The following EIF2S2 variants were observed in gnomAD, a reference collection of about 807,000 sequenced individuals.
EIF2S2 encodes eukaryotic translation initiation factor 2 subunit 2.
In EIF2S2, 4 loss-of-function variants were observed where a neutral mutation model predicts 44.0. The observed-to-expected ratio is 0.09, with a 90% CI of 0.04 to 0.21. The LOEUF (loss-of-function observed/expected upper bound fraction) is 0.21. EIF2S2 is among the 10% of genes least tolerant of loss of function. EIF2S2 has a pLI of 1.00. For missense variants in EIF2S2, 154 were observed against 392.0 expected (o/e 0.39, Z 5.13); for synonymous variants, 108 against 128.3 (o/e 0.84, Z 1.07).
At chr20:34,111,511 G>A (rs959466980) in intron 1 of EIF2S2, among the ~76,000 whole-genome samples, 2 of 152,158 alleles carry the variant, frequency 1.3e-5, no homozygotes, top group Non-Finnish European at 1.5e-5. Context: ...GGGCTCGCCC[G>A]GAAACTTTCC....
At chr20:34,103,107 A>G (rs925172619) in intron 3 of EIF2S2, among the ~76,000 whole-genome samples, 1 of 152,210 alleles carries the variant, frequency 6.6e-6, no homozygotes, top group Non-Finnish European at 1.5e-5. Flanking sequence ...GTATATATTC[A>G]ATATGTTACC....
rs993542421 is a variant in EIF2S2, at chr20:34,105,529, G to A, written c.32C>T (p.Thr11Ile). 2 of 1,588,400 alleles carry A rather than the reference G, an allele frequency of 1.3e-6. No individual in the cohort carries two copies. The highest frequency in any genetic ancestry group is 1.7e-6 in the Non-Finnish European group (2 of 1,170,088). ...CTTCTTCTTTTTCTTCTTGCTCATA[G>A]TAGGATCAAAAATCATCTGTTTAAA... MSGDEMIFDP[T>I]MSKKKKKKKK... Residue 11 changes from threonine (T) to isoleucine (I), a missense_variant, in exon 2 of 9, where the codon ACT becomes ATT. Physicochemically the swap from Thr to Ile is moderately conservative, Grantham distance 89 (BLOSUM62 -1). Around this residue, in one of 2 missense-constraint regions of EIF2S2, gnomAD observed 134 missense variants for 225.0 expected, o/e 0.60. Coordinates refer to ENST00000374980, the MANE Select transcript of EIF2S2 (RefSeq NM_003908.5).
At chr20:34,111,993 T>C (rs1394469115) in intron 1 of EIF2S2, 103 bp downstream of exon 1, 12 of 1,248,322 alleles carry the variant, frequency 9.6e-6, no homozygotes, top group Non-Finnish European at 1.2e-5. Flanking sequence ...CTGCCTCACA[T>C]GGCGGCGGCC....
At chr20:34,090,425 CCAGCTCA>C in intron 8 of EIF2S2, 85 bp downstream of exon 8, 1 of 775,492 alleles carries the variant, frequency 1.3e-6, no homozygotes. Flanking sequence ...CCAGCTTTTC[CCAGCTCA>C]CTGCAATCAA....
chr20:34,108,774 T>C (rs779321190), intron 1 of EIF2S2, among the ~76,000 whole-genome samples: 1 of 152,166 alleles, frequency 6.6e-6, no homozygotes, highest in Non-Finnish European at 1.5e-5. Flanking sequence ...TCATAGATCA[T>C]ACCTTACCCA....
chr20:34,099,096 G>A (rs552877517), intron 3 of EIF2S2, among the ~76,000 whole-genome samples: 12 of 152,276 alleles, frequency 7.9e-5, no homozygotes, highest in Admixed American at 2.6e-4. Context: ...GAGGCCAGGC[G>A]TCTTGGCTCA....
At chr20:34,093,119 T>C (rs1384493792) in intron 7 of EIF2S2, among the ~76,000 whole-genome samples, 2 of 152,186 alleles carry the variant, frequency 1.3e-5, no homozygotes, top group East Asian at 3.8e-4. Context: ...TAAAGGGACA[T>C]TAGGCTTCCA....
At chr20:34,110,682 T>A (rs2034402535) in intron 1 of EIF2S2, among the ~76,000 whole-genome samples, 1 of 152,198 alleles carries the variant, frequency 6.6e-6, no homozygotes, top group Non-Finnish European at 1.5e-5. Context: ...GATGGTCCTA[T>A]TTCTACCTTG....
At chr20:34,105,337 C>A (rs1254208901) in intron 2 of EIF2S2, 31 bp downstream of exon 2, 2 of 1,599,234 alleles carry the variant, frequency 1.3e-6, no homozygotes, top group South Asian at 1.1e-5. Context: ...GCTTCTATGA[C>A]AACAGTAACT....
At chr20:34,091,776 T>TTTTTTG (rs4012181) in intron 7 of EIF2S2, among the ~76,000 whole-genome samples, 3 of 95,814 alleles carry the variant, frequency 3.1e-5, no homozygotes, top group Non-Finnish European at 6.1e-5. Flanking sequence ...TTTATTTTTT[T>TTTTTTG]GGGGGGGGGG....
chr20:34,092,343 T>C (rs998912025), intron 7 of EIF2S2, among the ~76,000 whole-genome samples: 11 of 152,216 alleles, frequency 7.2e-5, no homozygotes, highest in African/African-American at 2.7e-4. Flanking sequence ...CTCATTAGTT[T>C]GTGCAAGTTA....
chr20:34,093,812 G>A, intron 6 of EIF2S2, 81 bp from the exon 7 acceptor site: 4 of 1,247,844 alleles, frequency 3.2e-6, no homozygotes. Flanking sequence ...TCATTGTTTT[G>A]ATCTGTGATT....
chr20:34,103,581 C>A lies in EIF2S2; in HGVS notation c.194-16G>T, dbSNP rs2034317117. The A allele has an allele frequency of 1.3e-6, 2 of 1,537,484 alleles. No homozygotes were observed. The highest frequency in any genetic ancestry group is 1.4e-5 in the African/African-American group (1 of 71,432). ...TCAGAAGCATCTAAAAAGACCAAGGCATAATTATTAACAACTAAAAGGCAA... is the reference window on the plus strand; with the variant it reads ...TCAGAAGCATCTAAAAAGACCAAGGAATAATTATTAACAACTAAAAGGCAA... On this transcript the variant is annotated splice_polypyrimidine_tract_variant and intron_variant, in intron 2 of 8. Coordinates refer to ENST00000374980, the MANE Select transcript of EIF2S2 (RefSeq NM_003908.5).
At chr20:34,094,497 C>A (rs978809631) in intron 6 of EIF2S2, among the ~76,000 whole-genome samples, 52 of 152,064 alleles carry the variant, frequency 3.4e-4, no homozygotes, top group African/African-American at 1.2e-3. Flanking sequence ...GTGATGGATA[C>A]TTGGATGTTA....
chr20:34,090,186 C>T (rs1444630781), intron 8 of EIF2S2, among the ~76,000 whole-genome samples: 1 of 152,246 alleles, frequency 6.6e-6, no homozygotes, highest in East Asian at 1.9e-4. Context: ...GCCACTCAAA[C>T]ATGTTGACAG....
At chr20:34,103,408 A>AT in intron 3 of EIF2S2, 54 bp downstream of exon 3, 2 of 1,489,454 alleles carry the variant, frequency 1.3e-6, no homozygotes, top group South Asian at 2.5e-5. Context: ...AACATCAGCC[A>AT]TTAGCAACCT....
intron 1 of EIF2S2, among the ~76,000 whole-genome samples, 159 bp from the exon 2 acceptor site, chr20:34,105,704 A>C (rs2034341958): frequency 6.6e-6 from 1 of 152,180 alleles, no homozygotes. Flanking sequence ...TAAATTGTCC[A>C]CCCAACCTTC....
chr20:34,098,723 T>C, intron 3 of EIF2S2, 90 bp from the exon 4 acceptor site: 1 of 1,430,666 alleles, frequency 7.0e-7, no homozygotes, highest in Non-Finnish European at 9.3e-7. Flanking sequence ...TGAGGAGGTC[T>C]TGCTTTGTTG....
At chr20:34,096,883 T>C (rs996784225) in intron 5 of EIF2S2, 78 bp from the exon 6 acceptor site, 2 of 1,405,692 alleles carry the variant, frequency 1.4e-6, no homozygotes, top group Non-Finnish European at 1.9e-6. Context: ...TCATGTTGCT[T>C]AACAGCAAAT....
Sources: allele counts gnomAD v4.1 joint callset (sites outside exome capture counted in the v4.1 genomes callset), GRCh38; gene constraint gnomAD v4.1.1; regional missense constraint gnomAD v4.1.1; transcripts MANE v1.5; gene names NCBI Gene and HGNC (gene_info 2026-07-23, HGNC 2026-07-21).